The following GALNT13 variants were observed in gnomAD, a reference collection of about 807,000 sequenced individuals.
GALNT13 encodes the protein UDP-GalNAc:polypeptide N-acetylgalactosaminyltransferase 13.
A neutral mutation model predicts 64.2 loss-of-function variants in GALNT13; 28 were observed. The observed-to-expected ratio is 0.44, with a 90% CI of 0.32 to 0.60. GALNT13 has a LOEUF of 0.60. GALNT13 is among the 20% of genes least tolerant of loss of function. The probability of loss-of-function intolerance (pLI) is 0.05; values close to 1 mark genes in which losing one functional copy is unlikely to be tolerated. For synonymous variants in GALNT13, 214 were observed against 224.6 expected, an observed-to-expected ratio of 0.95 and a Z score of 0.42; for missense variants, 577 against 669.8, an observed-to-expected ratio of 0.86 and a Z score of 1.53.
At chr2:154,341,090 G>A (rs1695740451) in intron 9 of GALNT13, among the ~76,000 whole-genome samples, 2 of 152,018 alleles carry the variant, frequency 1.3e-5, no homozygotes, top group South Asian at 4.1e-4. Context: ...AACATATCAA[G>A]GGCTAGAACT....
intron 11 of GALNT13, among the ~76,000 whole-genome samples, chr2:154,416,277 C>A (rs1559142881): frequency 6.6e-6 from 1 of 151,920 alleles, no homozygotes. Context: ...GATCAAGACA[C>A]CAGCAGATTT....
chr2:153,991,575 T>C (rs16824472), intron 3 of GALNT13, among the ~76,000 whole-genome samples: 1 of 151,964 alleles, frequency 6.6e-6, no homozygotes, highest in Admixed American at 6.6e-5. Context: ...AGAACACTCT[T>C]TGGCCACTTT....
chr2:154,430,443 GTCATTGAATT>G (rs1434817261), intron 11 of GALNT13, among the ~76,000 whole-genome samples: 1 of 152,130 alleles, frequency 6.6e-6, no homozygotes, highest in Non-Finnish European at 1.5e-5. Flanking sequence ...GCCCGAAGAC[GTCATTGAATT>G]TCTGCACTCT....
intron 3 of GALNT13, among the ~76,000 whole-genome samples, chr2:153,947,479 T>C (rs1484930527): frequency 3.3e-5 from 5 of 151,962 alleles, no homozygotes; most frequent in Non-Finnish European, 7.4e-5. Flanking sequence ...GCTGCACATA[T>C]GCCTTCTTTT....
chr2:154,167,065 A>G (rs936440928), intron 4 of GALNT13, among the ~76,000 whole-genome samples: 1 of 152,192 alleles, frequency 6.6e-6, no homozygotes, highest in African/African-American at 2.4e-5. Context: ...AACATGGCAC[A>G]TGTATACATA....
At chr2:153,803,705 A>G in the GALNT13 span, among the ~76,000 whole-genome samples, 18 of 148,326 alleles carry the variant, frequency 1.2e-4, 1 homozygote, top group Middle Eastern at 6.5e-3. Context: ...AAAAAAAAAA[A>G]AAAGAAAAAG....
the GALNT13 span, among the ~76,000 whole-genome samples, chr2:153,378,255 T>TATAG: frequency 5.7e-3 from 813 of 143,668 alleles, 3 homozygotes; most frequent in East Asian, 0.012. Flanking sequence ...TTTAGAACAT[T>TATAG]ATAGATAGAT....
intron 3 of GALNT13, among the ~76,000 whole-genome samples, chr2:154,045,786 C>T (rs1394314567): frequency 2.0e-5 from 3 of 152,194 alleles, no homozygotes; most frequent in African/African-American, 7.2e-5. Flanking sequence ...GAAGCAATAA[C>T]AAACCAACAA....
chr2:153,358,014 G>A, the GALNT13 span, among the ~76,000 whole-genome samples: 1 of 152,076 alleles, frequency 6.6e-6, no homozygotes, highest in Non-Finnish European at 1.5e-5. Flanking sequence ...AGATGTTAAG[G>A]ATTCATATGA....
chr2:153,106,534 A>C, the GALNT13 span, among the ~76,000 whole-genome samples: 226 of 152,278 alleles, frequency 1.5e-3, 1 homozygote, highest in Non-Finnish European at 2.3e-3. Context: ...CTTAGCAGGA[A>C]TAAAAATGAT....
At chr2:153,708,060 C>T in the GALNT13 span, among the ~76,000 whole-genome samples, 2 of 152,086 alleles carry the variant, frequency 1.3e-5, no homozygotes, top group African/African-American at 4.8e-5. Flanking sequence ...TACCCCCTAC[C>T]CACAAGTCTT....
chr2:153,692,746 T>C, the GALNT13 span, among the ~76,000 whole-genome samples: 2 of 152,312 alleles, frequency 1.3e-5, no homozygotes, highest in South Asian at 4.1e-4. Flanking sequence ...GATCAACTTG[T>C]CATTCCACAT....
rs575959267 is a variant in GALNT13 at position 154,150,284 on chromosome 2, G to C, written c.311+9779G>C. Among the ~76,000 whole-genome samples, 20 of 152,238 alleles carry C rather than the reference G, an allele frequency of 1.3e-4. No homozygotes were observed. In the East Asian group the frequency reaches 3.9e-3, roughly 29 times the overall value. On this transcript the variant is annotated intron_variant, in intron 4 of 12. Transcript: ENST00000392825. Reference sequence around the variant, plus strand: ...TGCATCCCAGGGATGAAGCCCACTTGATCATGGTGGATAAGCTTTTTGATG... The same window carrying C: ...TGCATCCCAGGGATGAAGCCCACTTCATCATGGTGGATAAGCTTTTTGATG...
the GALNT13 span, among the ~76,000 whole-genome samples, chr2:153,131,726 A>G: frequency 2.0e-5 from 3 of 152,060 alleles, no homozygotes; most frequent in East Asian, 5.8e-4. Context: ...AAAAGTGCAA[A>G]TACACCTGGG....
intron 4 of GALNT13, among the ~76,000 whole-genome samples, chr2:154,155,154 G>A (rs1468824164): frequency 5.3e-5 from 8 of 151,946 alleles, no homozygotes; most frequent in African/African-American, 1.4e-4. Flanking sequence ...AATAAAAGAT[G>A]TGTACCAGAG....
At chr2:154,352,497 G>GTAAGTA (rs1559107281) in intron 9 of GALNT13, among the ~76,000 whole-genome samples, 5 of 152,206 alleles carry the variant, frequency 3.3e-5, no homozygotes, top group African/African-American at 1.2e-4. Context: ...AAGGCTCACA[G>GTAAGTA]CCAATGAGGT....
chr2:153,944,514 A>C lies in GALNT13; in HGVS notation c.17A>C (p.Tyr6Ser). The C allele has an allele frequency of 6.2e-7, 1 of 1,613,254 alleles. No individual in the cohort carries two copies. The highest frequency in any genetic ancestry group is 1.3e-5 in the African/African-American group (1 of 75,012). MRRFV[Y>S]CKVVLATSLM... Reference sequence around the variant, plus strand: ...AGGAAAGACATGAGGAGATTTGTCTACTGCAAGGTGGTTCTAGCCACTTCG... The same window carrying C: ...AGGAAAGACATGAGGAGATTTGTCTCCTGCAAGGTGGTTCTAGCCACTTCG... The change falls in exon 3 of 13, where the codon TAC becomes TCC. Residue 6 changes from tyrosine (Y) to serine (S), a missense_variant. By Grantham distance (144) the Tyr-to-Ser change is moderately radical (BLOSUM62 -2). Around this residue, in one of 3 missense-constraint regions of GALNT13, gnomAD observed 341 missense variants for 379.3 expected, o/e 0.90. Coordinates refer to ENST00000392825, the MANE Select transcript of GALNT13 (RefSeq NM_052917.4).
At chr2:153,516,573 C>A in the GALNT13 span, among the ~76,000 whole-genome samples, 3 of 151,832 alleles carry the variant, frequency 2.0e-5, no homozygotes. Flanking sequence ...TCTTCTGTTT[C>A]CTTAATGAAA....
chr2:154,283,810 C>G (rs948832513), intron 8 of GALNT13, among the ~76,000 whole-genome samples: 1 of 151,958 alleles, frequency 6.6e-6, no homozygotes, highest in African/African-American at 2.4e-5. Context: ...ATTGAGAACT[C>G]AATGGGGTGA....
Sources: allele counts gnomAD v4.1 joint callset (sites outside exome capture counted in the v4.1 genomes callset), GRCh38; gene constraint gnomAD v4.1.1; regional missense constraint gnomAD v4.1.1; transcripts MANE v1.5; gene names NCBI Gene and HGNC (gene_info 2026-07-23, HGNC 2026-07-21).